The following CNOT6L variants were observed in gnomAD, a reference collection of about 807,000 sequenced individuals.
CNOT6L encodes the protein CCR4-NOT transcription complex subunit 6-like.
Under a neutral mutation model 64.0 loss-of-function variants are expected in CNOT6L, and 7 were observed. That is an observed-to-expected ratio of 0.11 (90% CI 0.06 to 0.21). The LOEUF (loss-of-function observed/expected upper bound fraction) is 0.21. CNOT6L is among the 10% of genes least tolerant of loss of function. The probability of loss-of-function intolerance (pLI) is 1.00; values close to 1 mark genes in which losing one functional copy is unlikely to be tolerated. For synonymous variants in CNOT6L, 193 were observed against 243.4 expected, an observed-to-expected ratio of 0.79 and a Z score of 1.93; for missense variants, 245 against 669.0, an observed-to-expected ratio of 0.37 and a Z score of 6.99.
chr4:77,795,807 A>G (rs1168650791), intron 1 of CNOT6L, among the ~76,000 whole-genome samples: 3 of 152,184 alleles, frequency 2.0e-5, no homozygotes, highest in Admixed American at 2.0e-4. Flanking sequence ...ACTGGAAACT[A>G]TAACACATTA....
At chr4:77,746,303 T>C (rs1724192681) in intron 6 of CNOT6L, among the ~76,000 whole-genome samples, 1 of 152,222 alleles carries the variant, frequency 6.6e-6, no homozygotes, top group African/African-American at 2.4e-5. Context: ...CTAAGTGTTA[T>C]TACCACTCAT....
chr4:77,814,206 A>G (rs1284199797), intron 1 of CNOT6L, among the ~76,000 whole-genome samples: 1 of 152,192 alleles, frequency 6.6e-6, no homozygotes, highest in East Asian at 1.9e-4. Flanking sequence ...GTAATTGCCT[A>G]GAACTAGGGG....
chr4:77,734,532 C>A (rs1414064664), intron 8 of CNOT6L, among the ~76,000 whole-genome samples: 1 of 152,110 alleles, frequency 6.6e-6, no homozygotes, highest in Non-Finnish European at 1.5e-5. Flanking sequence ...TTAACTAATG[C>A]CGTAATGAAC....
intron 1 of CNOT6L, among the ~76,000 whole-genome samples, chr4:77,810,853 C>T (rs116392844): frequency 6.6e-6 from 1 of 152,036 alleles, no homozygotes; most frequent in Admixed American, 6.6e-5. Flanking sequence ...TCTAAGAGAT[C>T]GACTTTTTTT....
chr4:77,774,262 T>C (rs1727921827), intron 3 of CNOT6L, among the ~76,000 whole-genome samples: 1 of 152,196 alleles, frequency 6.6e-6, no homozygotes, highest in African/African-American at 2.4e-5. Context: ...AGTCTTATCA[T>C]ATTGGATAAT....
intron 1 of CNOT6L, among the ~76,000 whole-genome samples, chr4:77,817,634 G>A (rs1292714599): frequency 6.6e-6 from 1 of 152,216 alleles, no homozygotes; most frequent in Non-Finnish European, 1.5e-5. Context: ...CAGCTGGGAG[G>A]CTAACTGAAG....
At chr4:77,742,117 T>C (rs375567030) in intron 8 of CNOT6L, 24 bp downstream of exon 8, 22 of 1,602,034 alleles carry the variant, frequency 1.4e-5, no homozygotes, top group Admixed American at 3.4e-5. Flanking sequence ...AAGTACACCA[T>C]TGTGCTTTGT....
At chr4:77,789,309 C>G (rs898692995) in intron 1 of CNOT6L, among the ~76,000 whole-genome samples, 11 of 152,056 alleles carry the variant, frequency 7.2e-5, no homozygotes, top group African/African-American at 2.2e-4. Flanking sequence ...CACGCTCCCC[C>G]CAACCCCGCC....
intron 7 of CNOT6L, among the ~76,000 whole-genome samples, chr4:77,743,522 A>C (rs1372196207): frequency 1.3e-5 from 2 of 151,774 alleles, no homozygotes; most frequent in East Asian, 1.9e-4. Flanking sequence ...TTACATAAAA[A>C]AATTTTTAAT....
intron 2 of CNOT6L, among the ~76,000 whole-genome samples, chr4:77,775,241 CA>C (rs2110063888): frequency 6.6e-6 from 1 of 152,274 alleles, no homozygotes; most frequent in South Asian, 2.1e-4. Flanking sequence ...TTTTGACTAC[CA>C]ATCATCCATC....
chr4:77,819,476 C>T (rs1734052454), upstream of CNOT6L: 3 of 1,419,206 alleles, frequency 2.1e-6, no homozygotes, highest in Non-Finnish European at 2.8e-6. Flanking sequence ...GCCTCGCTCC[C>T]GCCCGCCCCG....
chr4:77,804,704 T>A (rs1434168273), intron 1 of CNOT6L, among the ~76,000 whole-genome samples: 4 of 152,138 alleles, frequency 2.6e-5, no homozygotes, highest in African/African-American at 9.7e-5. Context: ...ACATACTGAA[T>A]GTACTAAAAC....
At chr4:77,802,721 C>T (rs1415162768) in intron 1 of CNOT6L, among the ~76,000 whole-genome samples, 1 of 152,142 alleles carries the variant, frequency 6.6e-6, no homozygotes, top group Non-Finnish European at 1.5e-5. Context: ...AGCATAGACC[C>T]TAATTATCAA....
chr4:77,765,387 A>C (rs1273814151), intron 4 of CNOT6L, among the ~76,000 whole-genome samples: 1 of 152,176 alleles, frequency 6.6e-6, no homozygotes, highest in Non-Finnish European at 1.5e-5. Context: ...AAAATTTCTC[A>C]AAAGTTCTCA....
At chr4:77,747,857 A>T (rs1724382672) in intron 6 of CNOT6L, among the ~76,000 whole-genome samples, 1 of 152,198 alleles carries the variant, frequency 6.6e-6, no homozygotes, top group Non-Finnish European at 1.5e-5. Flanking sequence ...AGTCTACATT[A>T]TTCTTCCATA....
chr4:77,796,233 C>T (rs527619078), intron 1 of CNOT6L, among the ~76,000 whole-genome samples: 4 of 152,078 alleles, frequency 2.6e-5, no homozygotes, highest in Non-Finnish European at 4.4e-5. Flanking sequence ...GAAAAGCTAA[C>T]GCTGAAACAA....
At chr4:77,768,474 AATATAT>A (rs1193284066) in intron 4 of CNOT6L, among the ~76,000 whole-genome samples, 217 of 13,066 alleles carry the variant, frequency 0.017, 2 homozygotes, top group African/African-American at 0.03. Flanking sequence ...AAAATAAATA[AATATAT>A]ATATATATAT....
chr4:77,740,919 C>G (rs1261095760), intron 8 of CNOT6L, among the ~76,000 whole-genome samples: 1 of 152,126 alleles, frequency 6.6e-6, no homozygotes, highest in African/African-American at 2.4e-5. Context: ...AGGTTTCTAG[C>G]CTGGGAACAA....
chr4:77,784,856 G>A (rs13120272), intron 1 of CNOT6L, among the ~76,000 whole-genome samples: 35,985 of 151,752 alleles, frequency 0.24, 5,197 homozygotes, highest in East Asian at 0.47. Flanking sequence ...TTTTTTAATG[G>A]GTATCAACTT....
Sources: gnomAD v4.1 joint callset for allele counts (sites outside exome capture counted in the v4.1 genomes callset) on GRCh38, gnomAD v4.1.1 for gene constraint, MANE v1.5 for transcripts, NCBI Gene and HGNC (gene_info 2026-07-23, HGNC 2026-07-21) for gene names.